BASP1: variants seen among roughly 807,000 people sequenced by gnomAD.
BASP1 encodes brain abundant membrane attached signal protein 1.
Under a neutral mutation model 2.2 loss-of-function variants are expected in BASP1, and 1 was observed. The ratio of observed to expected loss-of-function variants is 0.46; its 90% confidence interval spans 0.16 to 2.17. The LOEUF (loss-of-function observed/expected upper bound fraction) is 2.17. BASP1 is among the 30% of genes most tolerant of loss of function. The pLI, the probability that BASP1 is intolerant of heterozygous loss-of-function variation, is 0.27. For synonymous variants in BASP1, 187 were observed against 154.2 expected, an observed-to-expected ratio of 1.21 and a Z score of -1.58; for missense variants, 352 against 327.2, an observed-to-expected ratio of 1.08 and a Z score of -0.58.
intron 1 of BASP1, among the ~76,000 whole-genome samples, chr5:17,256,950 G>A (rs1740222538): frequency 6.6e-6 from 1 of 152,160 alleles, no homozygotes; most frequent in Admixed American, 6.5e-5. Context: ...AAGTGAACTG[G>A]GTGAAACAGA....
At chr5:17,222,319 A>G (rs1367468433) in intron 1 of BASP1, among the ~76,000 whole-genome samples, 2 of 152,180 alleles carry the variant, frequency 1.3e-5, no homozygotes, top group Non-Finnish European at 2.9e-5. Flanking sequence ...GTCTGCTTAT[A>G]CTTATACTTA....
chr5:17,259,961 A>G (rs961612188), intron 1 of BASP1, among the ~76,000 whole-genome samples: 1 of 152,222 alleles, frequency 6.6e-6, no homozygotes, highest in East Asian at 1.9e-4. Flanking sequence ...TTCCTGGTCT[A>G]TGGAAGAGAG....
intron 1 of BASP1, among the ~76,000 whole-genome samples, chr5:17,246,526 T>C (rs1178000215): frequency 6.6e-6 from 1 of 152,146 alleles, no homozygotes; most frequent in Non-Finnish European, 1.5e-5. Flanking sequence ...GTGGAGACTC[T>C]AGACTGCAGG....
In BASP1 at chr5:17,217,790, C is replaced by T. The variant is rs147621681; in HGVS notation, c.-30C>T. On this transcript the variant is annotated 5_prime_UTR_variant, in exon 1 of 2. Coordinates refer to ENST00000322611, the MANE Select transcript of BASP1 (RefSeq NM_006317.5). ...CGGCGGCACCGCGCTAACTCAGGGG[C>T]TGCATAGGCACCCAGAGCCGGTAAG... is the stretch of plus-strand genomic sequence containing the variant. 6,571 of 152,388 alleles carry T rather than the reference C, an allele frequency of 0.043. 219 individuals are homozygous for T. Among genetic ancestry groups the T allele is most frequent in the Admixed American group, 0.1 (1,537 of 15,278 alleles). The allele number at this position is 152,388 out of a possible 1,614,324, so 9.4% of individuals were successfully genotyped here. A position where few individuals can be genotyped will look rare whatever the true frequency, so the allele number is the denominator to read the frequency against.
intron 1 of BASP1, among the ~76,000 whole-genome samples, chr5:17,264,154 G>A (rs1047553301): frequency 2.6e-5 from 4 of 152,110 alleles, no homozygotes; most frequent in East Asian, 1.9e-4. Context: ...AAAGAAAAGG[G>A]CCAGTCACTT....
At chr5:17,239,023 A>C (rs1330131026) in intron 1 of BASP1, among the ~76,000 whole-genome samples, 3 of 152,180 alleles carry the variant, frequency 2.0e-5, no homozygotes, top group African/African-American at 7.2e-5. Context: ...CTGGGGAATA[A>C]AACCACACAA....
At chr5:17,274,980 G>T (rs1351978503) in intron 1 of BASP1, among the ~76,000 whole-genome samples, 7 of 152,092 alleles carry the variant, frequency 4.6e-5, no homozygotes, top group Admixed American at 4.6e-4. Flanking sequence ...AGTGAGAAGA[G>T]ATCTCACCAC....
rs1163968984 is a variant in BASP1 at position 17,276,374 on chromosome 5, C to T, written c.*474C>T. 6.0e-6 allele frequency: 1 copy of T among 167,558 alleles called. No homozygotes were observed. Among genetic ancestry groups the T allele is most frequent in the Non-Finnish European group, 1.5e-5 (1 of 68,464 alleles). The allele number at this position is 167,558 out of a possible 1,614,324, so 10.4% of individuals were successfully genotyped here. On this transcript the variant is annotated 3_prime_UTR_variant, in exon 2 of 2. Transcript: ENST00000322611. ...CAGATCTTTATGAGAGCAGTATTTT[C>T]TGTGTTTTCTTTTTAATTTACAGCC...
chr5:17,267,817 CTTTTTTT>C (rs748938177), intron 1 of BASP1, among the ~76,000 whole-genome samples: 7 of 33,428 alleles, frequency 2.1e-4, no homozygotes, highest in African/African-American at 8.8e-4. Context: ...GCTCCCAGCC[CTTTTTTT>C]TTTTTTTTTT....
In BASP1 at chr5:17,275,465, G is replaced by T; in HGVS notation, c.249G>T (p.Pro83=). 3 of 1,502,372 alleles carry T rather than the reference G, an allele frequency of 2.0e-6. No homozygotes were observed. The highest frequency in any genetic ancestry group is 1.8e-6 in the Non-Finnish European group (2 of 1,127,760). The allele number at this position is 1,502,372 out of a possible 1,614,324, so 93.1% of individuals were successfully genotyped here. ...CGGCGGCTGCCAAGGAGGAGGCCCC[G>T]AAGGCGGAGCCCGAGAAGACGGAGG... ...KDAAAAKEEA[P]KAEPEKTEGA... Residue 83 remains proline (P), a synonymous_variant, in exon 2 of 2, where the codon CCG becomes CCT. Transcript: ENST00000322611. This position sits in a 1 kb window ranked among gnomAD's most constrained non-coding sequence, Gnocchi z 5.3.
At chr5:17,266,495 C>T (rs1433102882) in intron 1 of BASP1, among the ~76,000 whole-genome samples, 1 of 152,044 alleles carries the variant, frequency 6.6e-6, no homozygotes, top group Non-Finnish European at 1.5e-5. Flanking sequence ...TGTTGATATT[C>T]CTAAAGTTGG....
chr5:17,253,783 A>T (rs947503065), intron 1 of BASP1, among the ~76,000 whole-genome samples: 2 of 152,128 alleles, frequency 1.3e-5, no homozygotes, highest in Non-Finnish European at 2.9e-5. Flanking sequence ...TACAGACTGG[A>T]ATCTGTGATC....
In BASP1 at chr5:17,275,976, T is replaced by TATCTC; in HGVS notation, c.*76_*77insATCTC. The TATCTC allele has an allele frequency of 7.8e-7, 1 of 1,274,574 alleles. No individual in the cohort carries two copies. The highest frequency in any genetic ancestry group is 1.5e-5 in the African/African-American group (1 of 65,134). 79.0% of individuals were successfully genotyped at this position (1,274,574 alleles called of 1,614,324 possible). On this transcript the variant is annotated 3_prime_UTR_variant, in exon 2 of 2. Coordinates refer to ENST00000322611, the MANE Select transcript of BASP1 (RefSeq NM_006317.5). This position sits in a 1 kb window ranked among gnomAD's most constrained non-coding sequence, Gnocchi z 5.3. ...CTCTCTCTCTCTCTCTCTCTATCTC[T>TATCTC]CTCTCTATCTCCTCTCTCTCTCTCC...
chr5:17,248,186 G>A lies in BASP1; in HGVS notation c.-9-27022G>A, dbSNP rs1227344677. On this transcript the variant is annotated intron_variant, in intron 1 of 1. Coordinates refer to ENST00000322611, the MANE Select transcript of BASP1 (RefSeq NM_006317.5). ...GAATTCTCACTTCAGCTATACGTGT[G>A]ACAATCCCTTGGCTCACACTTAAAT... Among the ~76,000 whole-genome samples, 4 of 152,188 alleles carry A rather than the reference G, an allele frequency of 2.6e-5. No individual in the cohort carries two copies. In the East Asian group the frequency reaches 7.7e-4, roughly 29 times the overall value.
intron 1 of BASP1, among the ~76,000 whole-genome samples, chr5:17,241,480 G>A (rs1279607335): frequency 6.6e-6 from 1 of 152,134 alleles, no homozygotes; most frequent in Non-Finnish European, 1.5e-5. Context: ...AGAAACTGTG[G>A]CACAGAGAAA....
chr5:17,264,493 G>A (rs1740377355), intron 1 of BASP1, among the ~76,000 whole-genome samples: 1 of 152,214 alleles, frequency 6.6e-6, no homozygotes, highest in South Asian at 2.1e-4. Context: ...CTCTGAATTA[G>A]TAGATGATAG....
chr5:17,252,440 G>A (rs1740121270), intron 1 of BASP1, among the ~76,000 whole-genome samples: 1 of 152,124 alleles, frequency 6.6e-6, no homozygotes, highest in Non-Finnish European at 1.5e-5. Flanking sequence ...CAGGCTCAGA[G>A]GTTAGGTTAC....
intron 1 of BASP1, among the ~76,000 whole-genome samples, chr5:17,262,063 C>T (rs1378097555): frequency 2.0e-5 from 3 of 152,134 alleles, no homozygotes; most frequent in Non-Finnish European, 4.4e-5. Flanking sequence ...AAAATTTTCT[C>T]TTTTGATTTT....
At chr5:17,246,102 T>C (rs561922012) in intron 1 of BASP1, among the ~76,000 whole-genome samples, 49 of 152,238 alleles carry the variant, frequency 3.2e-4, no homozygotes, top group East Asian at 1.9e-4. Context: ...CCAGAAACAA[T>C]AGCCACAACT....
Sources: allele counts gnomAD v4.1 joint callset (sites outside exome capture counted in the v4.1 genomes callset), GRCh38; gene constraint gnomAD v4.1.1; non-coding constraint Gnocchi (gnomAD v3.1); transcripts MANE v1.5; gene names NCBI Gene and HGNC (gene_info 2026-07-23, HGNC 2026-07-21).